Variants in ANKFY1 observed in about 807,000 individuals in gnomAD.
ANKFY1 encodes the protein ankyrin repeat and FYVE domain-containing protein 1.
In ANKFY1, 47 loss-of-function variants were observed where a neutral mutation model predicts 128.3. The observed-to-expected ratio is 0.37, with a 90% CI of 0.29 to 0.47. The LOEUF (loss-of-function observed/expected upper bound fraction) is 0.47, where lower values mean the gene tolerates loss of function less well. ANKFY1 is among the 20% of genes least tolerant of loss of function. The probability of loss-of-function intolerance (pLI) is 1.00; values close to 1 mark genes in which losing one functional copy is unlikely to be tolerated. For missense variants in ANKFY1, 1,222 were observed against 1,510.6 expected, an observed-to-expected ratio of 0.81 and a Z score of 3.17; for synonymous variants, 553 against 601.6, an observed-to-expected ratio of 0.92 and a Z score of 1.18.
At position 4,219,621 on chromosome 17, in the gene ANKFY1, G is replaced by A. The variant is rs2060275835; in HGVS notation, c.323-2503C>T. Reference sequence around the variant, plus strand: ...CTAGAGTGGGAAGGAGCAGCTTGAAGGGGGCAATGTCAAGTGAGTGGACTT... The same window carrying A: ...CTAGAGTGGGAAGGAGCAGCTTGAAAGGGGCAATGTCAAGTGAGTGGACTT... On this transcript the variant is annotated intron_variant, in intron 3 of 24. Coordinates refer to ENST00000341657, the MANE Select transcript of ANKFY1 (RefSeq NM_001330063.2). Among the ~76,000 whole-genome samples, 3 of 152,048 alleles carry A rather than the reference G, an allele frequency of 2.0e-5. No homozygotes were observed. The South Asian group carries it at 6.2e-4, about 32-fold the overall frequency.
chr17:4,200,624 A>G (rs137983981), intron 7 of ANKFY1, among the ~76,000 whole-genome samples: 1 of 152,310 alleles, frequency 6.6e-6, no homozygotes, highest in East Asian at 1.9e-4. Flanking sequence ...TGGTCCCATG[A>G]GAGTTGACTA....
chr17:4,256,280 T>C (rs981611754), intron 1 of ANKFY1, among the ~76,000 whole-genome samples: 3 of 152,042 alleles, frequency 2.0e-5, no homozygotes, highest in Admixed American at 2.0e-4. Flanking sequence ...TACAAAAAAT[T>C]AGCCAGGCGC....
chr17:4,223,057 G>C (rs1159782324), intron 3 of ANKFY1: 1 of 738,716 alleles, frequency 1.4e-6, no homozygotes, highest in East Asian at 2.6e-5. Context: ...GGTACTCTTG[G>C]GCATATTTTC....
rs767889836 is a variant in ANKFY1 at position 4,173,900 on chromosome 17, G to A, written c.2923+9C>T. 6.2e-7 allele frequency: 1 copy of A among 1,611,082 alleles called. No individual in the cohort carries two copies. Among genetic ancestry groups the A allele is most frequent in the Non-Finnish European group, 8.5e-7 (1 of 1,177,746 alleles). ...TCGTTCAAGCCACTAAAGAATGACT[G>A]GGAGTTACCATTGTTTCCATTCTCA... On this transcript the variant is annotated intron_variant, in intron 20 of 24. Transcript: ENST00000341657.
chr17:4,224,261 C>T (rs1409217421), intron 3 of ANKFY1, among the ~76,000 whole-genome samples: 2 of 122,166 alleles, frequency 1.6e-5, no homozygotes, highest in African/African-American at 3.4e-5. Flanking sequence ...GTCTCGCTGT[C>T]GCCCAGGCTG....
At chr17:4,182,472 A>G (rs1310077244) in intron 14 of ANKFY1, 123 bp from the exon 15 acceptor site, 1 of 726,208 alleles carries the variant, frequency 1.4e-6, no homozygotes, top group Non-Finnish European at 2.0e-6. Context: ...ACAATCATTC[A>G]ATATTTTCTC....
At chr17:4,256,157 G>A (rs556641616) in intron 1 of ANKFY1, among the ~76,000 whole-genome samples, 2 of 151,840 alleles carry the variant, frequency 1.3e-5, no homozygotes, top group African/African-American at 4.8e-5. Context: ...GGCCAGGCGC[G>A]GTGGCTCATG....
At chr17:4,183,664 C>G in intron 13 of ANKFY1, 113 bp from the exon 14 acceptor site, 1 of 1,449,254 alleles carries the variant, frequency 6.9e-7, no homozygotes, top group Non-Finnish European at 9.5e-7. Flanking sequence ...TCCACTGGAT[C>G]TAACAGGCTT....
chr17:4,235,340 C>CAAAAAAAAAAAA (rs10677242), intron 3 of ANKFY1, among the ~76,000 whole-genome samples: 3 of 116,738 alleles, frequency 2.6e-5, no homozygotes, highest in Non-Finnish European at 5.1e-5. Flanking sequence ...GACTCTGTCT[C>CAAAAAAAAAAAA]AAAAAAAAAA....
intron 2 of ANKFY1, among the ~76,000 whole-genome samples, chr17:4,240,189 C>T (rs1967132149): frequency 6.6e-6 from 1 of 150,632 alleles, no homozygotes; most frequent in African/African-American, 2.4e-5. Context: ...CTCAGCCTCT[C>T]GAGTAGCTGG....
At chr17:4,240,698 T>TA (rs1415378134) in intron 2 of ANKFY1, among the ~76,000 whole-genome samples, 1 of 152,238 alleles carries the variant, frequency 6.6e-6, no homozygotes, top group African/African-American at 2.4e-5. Flanking sequence ...AGGCACATGT[T>TA]AATCTTCTTA....
rs147152153 is a variant in ANKFY1, at chr17:4,166,978, T to C, written c.*801A>G. The C allele has an allele frequency of 5.2e-5, 8 of 152,674 alleles. No homozygotes were observed. The highest frequency in any genetic ancestry group is 1.9e-4 in the African/African-American group (8 of 41,542). 9.5% of individuals were successfully genotyped at this position (152,674 alleles called of 1,614,324 possible). ...TGGAATCACCGACAATGCAGCTCTATAAAAAGTGCAGCACAGTAAAAGTGC... is the reference window on the plus strand; with the variant it reads ...TGGAATCACCGACAATGCAGCTCTACAAAAAGTGCAGCACAGTAAAAGTGC... On this transcript the variant is annotated 3_prime_UTR_variant, in exon 25 of 25. Coordinates refer to ENST00000341657, the MANE Select transcript of ANKFY1 (RefSeq NM_001330063.2).
chr17:4,222,237 G>C (rs2060334365), intron 3 of ANKFY1: 1 of 390,062 alleles, frequency 2.6e-6, no homozygotes, highest in Non-Finnish European at 4.6e-6. Flanking sequence ...CGCGGACCCC[G>C]GAGCTGCAGT....
At chr17:4,217,284 CACG>C (rs1446173431) in intron 3 of ANKFY1, among the ~76,000 whole-genome samples, 166 bp from the exon 4 acceptor site, 2 of 152,200 alleles carry the variant, frequency 1.3e-5, no homozygotes, top group Admixed American at 6.5e-5. Flanking sequence ...TGCAGTGGCT[CACG>C]CCTGTAATCC....
At chr17:4,170,983 C>A in intron 22 of ANKFY1, 122 bp from the exon 23 acceptor site, 1 of 1,423,306 alleles carries the variant, frequency 7.0e-7, no homozygotes, top group Non-Finnish European at 9.6e-7. Flanking sequence ...TTCACAAAGT[C>A]CCCACAGACA....
chr17:4,174,149 A>G, intron 19 of ANKFY1, 93 bp from the exon 20 acceptor site: 1 of 1,451,460 alleles, frequency 6.9e-7, no homozygotes, highest in Non-Finnish European at 9.4e-7. Context: ...TGACACCCAC[A>G]GAGGCTGATG....
intron 2 of ANKFY1, among the ~76,000 whole-genome samples, chr17:4,242,003 C>G (rs1290845913): frequency 6.6e-6 from 1 of 150,878 alleles, no homozygotes; most frequent in Non-Finnish European, 1.5e-5. Flanking sequence ...GCAAGAGAAT[C>G]ACTTGAACCT....
rs995238570 is a variant in ANKFY1, at chr17:4,179,456, G to A, written c.2397+265C>T. ...TTCCTAAATACAGTATGCGATTTGG[G>A]ACTAAACTCTCAGAGGAAATCTGTA... On this transcript the variant is annotated intron_variant, in intron 17 of 24. Coordinates refer to ENST00000341657, the MANE Select transcript of ANKFY1 (RefSeq NM_001330063.2). The A allele has an allele frequency of 5.4e-6, 3 of 551,358 alleles. No homozygotes were observed. The African/African-American group carries it at 5.6e-5, about 10-fold the overall frequency. 34.2% of individuals were successfully genotyped at this position (551,358 alleles called of 1,614,324 possible). A position where few individuals can be genotyped will look rare whatever the true frequency, so the allele number is the denominator to read the frequency against.
intron 1 of ANKFY1, among the ~76,000 whole-genome samples, chr17:4,257,849 T>C (rs1968203827): frequency 1.3e-5 from 2 of 152,230 alleles, no homozygotes; most frequent in Admixed American, 6.5e-5. Flanking sequence ...CCTTACCAGA[T>C]GGAGTTCAAT....
Sources: allele counts gnomAD v4.1 joint callset (sites outside exome capture counted in the v4.1 genomes callset), GRCh38; gene constraint gnomAD v4.1.1; transcripts MANE v1.5; gene names NCBI Gene and HGNC (gene_info 2026-07-23, HGNC 2026-07-21).